Variants in TRIM23 observed in about 807,000 individuals in gnomAD.
TRIM23 encodes the protein tripartite motif containing 23.
Under a neutral mutation model 71.0 loss-of-function variants are expected in TRIM23, and 27 were observed. The observed-to-expected ratio is 0.38, with a 90% CI of 0.28 to 0.52. The LOEUF (loss-of-function observed/expected upper bound fraction) is 0.52, where lower values mean the gene tolerates loss of function less well. Ranked by LOEUF, TRIM23 falls within the 20% of genes least tolerant of loss-of-function variation. The pLI is 0.84. For missense variants in TRIM23, 482 were observed against 692.3 expected, an observed-to-expected ratio of 0.70 and a Z score of 3.41; for synonymous variants, 234 against 238.0, an observed-to-expected ratio of 0.98 and a Z score of 0.16.
intron 6 of TRIM23, among the ~76,000 whole-genome samples, chr5:65,607,859 C>T: frequency 6.6e-6 from 1 of 152,082 alleles, no homozygotes. Flanking sequence ...CTCTTTCTAT[C>T]TAGATGCAAA....
intron 7 of TRIM23, among the ~76,000 whole-genome samples, chr5:65,600,622 T>TAAA (rs34809421): frequency 0.08 from 8,132 of 102,044 alleles, 270 homozygotes; most frequent in East Asian, 0.1. Context: ...AAAAGCACAG[T>TAAA]AAAAAAAAAA....
intron 2 of TRIM23, among the ~76,000 whole-genome samples, chr5:65,615,769 T>C (rs145461070): frequency 6.6e-6 from 1 of 152,380 alleles, no homozygotes; most frequent in African/African-American, 2.4e-5. Context: ...AATAAACCTC[T>C]AGCATTATTA....
chr5:65,601,663 C>T (rs764509336), intron 7 of TRIM23, among the ~76,000 whole-genome samples: 9 of 152,138 alleles, frequency 5.9e-5, no homozygotes, highest in Non-Finnish European at 1.2e-4. Context: ...CTGCCCCTCG[C>T]CCCTCCAAAC....
At chr5:65,599,506 C>T (rs1754304915) in intron 7 of TRIM23, among the ~76,000 whole-genome samples, 2 of 152,188 alleles carry the variant, frequency 1.3e-5, no homozygotes, top group African/African-American at 4.8e-5. Context: ...ACCACTATTA[C>T]TTTTGCACCA....
intron 2 of TRIM23, among the ~76,000 whole-genome samples, chr5:65,614,843 G>A (rs973039395): frequency 1.3e-5 from 2 of 151,782 alleles, no homozygotes; most frequent in African/African-American, 2.4e-5. Flanking sequence ...TGGTTAAAAC[G>A]GCAAATTTTA....
intron 6 of TRIM23, among the ~76,000 whole-genome samples, chr5:65,609,035 GA>G: frequency 6.6e-6 from 1 of 152,020 alleles, no homozygotes; most frequent in South Asian, 2.1e-4. Flanking sequence ...AAGGCCTCAA[GA>G]ACCCATGGCT....
chr5:65,599,720 T>C (rs1477972200), intron 7 of TRIM23, among the ~76,000 whole-genome samples: 1 of 152,206 alleles, frequency 6.6e-6, no homozygotes, highest in African/African-American at 2.4e-5. Flanking sequence ...TCATGTTTTT[T>C]GTGGAGATAG....
At chr5:65,606,316 T>C (rs1467316839) in intron 6 of TRIM23, among the ~76,000 whole-genome samples, 1 of 151,884 alleles carries the variant, frequency 6.6e-6, no homozygotes, top group East Asian at 1.9e-4. Context: ...TGTGGTGGCT[T>C]GCCCCTGTAG....
chr5:65,614,293 T>C (rs1032651300), intron 2 of TRIM23, 74 bp from the exon 3 acceptor site: 1 of 1,406,046 alleles, frequency 7.1e-7, no homozygotes, highest in African/African-American at 1.4e-5. Context: ...ACCTCAAAAG[T>C]AATTTCTAAT....
In TRIM23 at chr5:65,590,452, C is replaced by T; in HGVS notation, c.*1317G>A. The T allele has an allele frequency of 7.8e-7, 1 of 1,282,072 alleles. No individual in the cohort carries two copies. Among genetic ancestry groups the T allele is most frequent in the Non-Finnish European group, 1.0e-6 (1 of 1,004,538 alleles). The allele number at this position is 1,282,072 out of a possible 1,614,324, so 79.4% of individuals were successfully genotyped here. On this transcript the variant is annotated 3_prime_UTR_variant, in exon 11 of 11. Transcript: ENST00000231524. Reference sequence around the variant, plus strand: ...AAAGAATGAACCACAACAGTGCTACCAAAAAGTCACATCTTGTTACCAGAC... The same window carrying T: ...AAAGAATGAACCACAACAGTGCTACTAAAAAGTCACATCTTGTTACCAGAC...
intron 1 of TRIM23, among the ~76,000 whole-genome samples, chr5:65,619,292 G>T (rs1002716006): frequency 3.3e-5 from 5 of 152,098 alleles, no homozygotes; most frequent in Admixed American, 1.3e-4. Flanking sequence ...TTTGGGCCCC[G>T]ATGTACTCTG....
chr5:65,615,255 T>C (rs1013503842), intron 2 of TRIM23, among the ~76,000 whole-genome samples: 5 of 152,218 alleles, frequency 3.3e-5, no homozygotes, highest in African/African-American at 7.2e-5. Flanking sequence ...ACTTTTACTA[T>C]ACATGCTAAA....
chr5:65,601,667 T>C (rs1754367281), intron 7 of TRIM23, among the ~76,000 whole-genome samples: 1 of 152,104 alleles, frequency 6.6e-6, no homozygotes, highest in African/African-American at 2.4e-5. Context: ...CCCTCGCCCC[T>C]CCAAACCCTG....
intron 7 of TRIM23, among the ~76,000 whole-genome samples, chr5:65,598,484 T>C (rs1021321494): frequency 6.6e-6 from 1 of 152,320 alleles, no homozygotes; most frequent in South Asian, 2.1e-4. Flanking sequence ...TGGTGGCTCA[T>C]GCCTGTAATC....
intron 6 of TRIM23, 79 bp from the exon 7 acceptor site, chr5:65,605,124 T>A: frequency 7.4e-7 from 1 of 1,351,068 alleles, no homozygotes; most frequent in East Asian, 2.5e-5. Flanking sequence ...CAACTCACAA[T>A]AAAAGCAGTT....
rs1448438777 is a variant in TRIM23, at chr5:65,610,892, T to G, written c.797A>C (p.Glu266Ala). Residue 266 changes from glutamate to alanine, a missense_variant, in exon 5 of 11, where the codon GAA becomes GCA. Around this residue, in one of 2 missense-constraint regions of TRIM23, gnomAD observed 307 missense variants for 495.8 expected, o/e 0.62. Transcript: ENST00000231524. ...QHIEGGEQIV[E>A]DGIGMAHTEH... ...TGTGTGAGCCATTCCAATTCCATCT[T>G]CCACGATTTGTTCTCCTCCTTCAAT... is the stretch of plus-strand genomic sequence containing the variant. 4 of 1,611,494 alleles carry G rather than the reference T, an allele frequency of 2.5e-6. No individual in the cohort carries two copies. The highest frequency in any genetic ancestry group is 3.4e-6 in the Non-Finnish European group (4 of 1,179,288).
intron 7 of TRIM23, among the ~76,000 whole-genome samples, chr5:65,600,656 A>C (rs1034325586): frequency 3.3e-5 from 5 of 151,420 alleles, no homozygotes; most frequent in African/African-American, 9.7e-5. Flanking sequence ...AATAGACTAC[A>C]TCAAATTTAC....
At chr5:65,603,819 G>A (rs889233103) in intron 7 of TRIM23, among the ~76,000 whole-genome samples, 2 of 151,984 alleles carry the variant, frequency 1.3e-5, no homozygotes, top group African/African-American at 4.8e-5. Context: ...AACTTTGCTT[G>A]GATTGTATCT....
In TRIM23 at chr5:65,618,148, T is replaced by G; in HGVS notation, c.189A>C (p.Leu63=). Reference sequence around the variant, plus strand: ...AACGGATTGCTCTTCCATGAAGAGGTAGGCGAGTGAGACAGTCATGACAGA... The same window carrying G: ...AACGGATTGCTCTTCCATGAAGAGGGAGGCGAGTGAGACAGTCATGACAGA... ...HTVCHDCLTR[L]PLHGRAIRCP... The change falls in exon 2 of 11, where the codon CTA becomes CTC. Residue 63 remains leucine, a synonymous_variant. Transcript: ENST00000231524. The G allele has an allele frequency of 1.2e-6, 2 of 1,614,092 alleles. No individual in the cohort carries two copies. Among genetic ancestry groups the G allele is most frequent in the Non-Finnish European group, 1.7e-6 (2 of 1,179,986 alleles).
Sources: gnomAD v4.1 joint callset for allele counts (sites outside exome capture counted in the v4.1 genomes callset) on GRCh38, gnomAD v4.1.1 for gene constraint, gnomAD v4.1.1 regional missense constraint, MANE v1.5 for transcripts, NCBI Gene and HGNC (gene_info 2026-07-23, HGNC 2026-07-21) for gene names.